Variants in PIK3C2G observed in about 807,000 individuals in gnomAD.
The protein encoded by PIK3C2G is phosphatidylinositol 3-kinase C2 domain-containing subunit gamma.
PIK3C2G carries 168 observed loss-of-function variants against 181.1 expected under a neutral mutation model. The observed-to-expected ratio is 0.93, with a 90% CI of 0.82 to 1.05. The LOEUF is 1.05. Ranked by LOEUF, PIK3C2G falls within the 50% of genes least tolerant of loss-of-function variation. The pLI is 0.00. For synonymous variants in PIK3C2G, 573 were observed against 592.2 expected, an observed-to-expected ratio of 0.97 and a Z score of 0.47; for missense variants, 1,869 against 1,732.8, an observed-to-expected ratio of 1.08 and a Z score of -1.40.
At chr12:18,259,588 G>T (rs1429149646), upstream of PIK3C2G, among the ~76,000 whole-genome samples, 2 of 152,072 alleles carry the variant, frequency 1.3e-5, no homozygotes, top group South Asian at 4.1e-4. Flanking sequence ...AAAATAGAAG[G>T]TTATATATAA....
At chr12:18,331,608 ATTT>A (rs1011048901) in intron 8 of PIK3C2G, among the ~76,000 whole-genome samples, 11 of 152,066 alleles carry the variant, frequency 7.2e-5, no homozygotes, top group African/African-American at 2.6e-4. Context: ...CTCTGAAATA[ATTT>A]TATGTTTTCC....
intron 25 of PIK3C2G, among the ~76,000 whole-genome samples, chr12:18,544,816 G>C (rs1944338519): frequency 6.6e-6 from 1 of 151,798 alleles, no homozygotes; most frequent in Non-Finnish European, 1.5e-5. Flanking sequence ...TCATTTATAT[G>C]CTAATGACAG....
Position 18,304,264 on chromosome 12 carries a change from C to CG in PIK3C2G, c.1035-9698_1035-9697insG, listed in dbSNP as rs552790569. Among the ~76,000 whole-genome samples, 210 of 151,898 alleles carry CG rather than the reference C, an allele frequency of 1.4e-3. 1 individual carries two copies. The highest frequency in any genetic ancestry group is 2.4e-3 in the Non-Finnish European group (166 of 67,900). On this transcript the variant is annotated intron_variant, in intron 5 of 32. Transcript: ENST00000538779. The stretch of plus-strand genomic sequence containing the variant: ...TCATGACAATTTATATTAATTTGTT[C>CG]ATTTTTTTTGAGATGGAGTCTTCAC...
intron 18 of PIK3C2G, among the ~76,000 whole-genome samples, chr12:18,478,777 C>T (rs913162882): frequency 2.6e-5 from 4 of 152,074 alleles, no homozygotes; most frequent in Non-Finnish European, 4.4e-5. Context: ...GAGTTCCAGA[C>T]CAGCCTGGGC....
chr12:18,400,380 A>G (rs1365678348), intron 16 of PIK3C2G, among the ~76,000 whole-genome samples: 5 of 152,222 alleles, frequency 3.3e-5, no homozygotes, highest in Admixed American at 2.0e-4. Flanking sequence ...AGAAGCTTGT[A>G]GGAACAACTG....
chr12:18,519,585 C>A (rs577407952), intron 24 of PIK3C2G, among the ~76,000 whole-genome samples: 66 of 152,190 alleles, frequency 4.3e-4, no homozygotes, highest in African/African-American at 1.4e-3. Context: ...TTACCTCCAG[C>A]CCTTTATTTT....
intron 5 of PIK3C2G, among the ~76,000 whole-genome samples, chr12:18,304,691 T>G (rs573336803): frequency 6.6e-6 from 1 of 152,376 alleles, no homozygotes; most frequent in African/African-American, 2.4e-5. Context: ...AGTAATAGAT[T>G]ACATTCATTA....
At chr12:18,653,063 T>C (rs570099456), downstream of PIK3C2G, among the ~76,000 whole-genome samples, 5 of 152,168 alleles carry the variant, frequency 3.3e-5, no homozygotes, top group East Asian at 7.8e-4. Flanking sequence ...TCCTCGAAAC[T>C]TCTGCAAAAA....
chr12:18,616,320 T>C (rs985521129), intron 31 of PIK3C2G, among the ~76,000 whole-genome samples: 4 of 152,116 alleles, frequency 2.6e-5, no homozygotes, highest in Non-Finnish European at 4.4e-5. Flanking sequence ...TATTATGCCC[T>C]TAACACACAG....
At chr12:18,394,687 T>C (rs1565672879) in intron 15 of PIK3C2G, among the ~76,000 whole-genome samples, 1 of 151,888 alleles carries the variant, frequency 6.6e-6, no homozygotes, top group Non-Finnish European at 1.5e-5. Flanking sequence ...CTTAATAGAT[T>C]GTGAAATGCA....
intron 13 of PIK3C2G, among the ~76,000 whole-genome samples, chr12:18,375,404 A>G (rs1226690536): frequency 3.3e-5 from 5 of 152,238 alleles, no homozygotes; most frequent in Admixed American, 1.3e-4. Flanking sequence ...CTGACAAGAG[A>G]AATTTCTAAG....
intron 22 of PIK3C2G, among the ~76,000 whole-genome samples, chr12:18,501,602 C>A (rs1370180964): frequency 6.6e-6 from 1 of 152,150 alleles, no homozygotes; most frequent in African/African-American, 2.4e-5. Context: ...ACTCTATGTA[C>A]ACAGAATTAT....
chr12:18,572,091 A>G (rs1945975149), intron 29 of PIK3C2G, among the ~76,000 whole-genome samples: 1 of 142,044 alleles, frequency 7.0e-6, no homozygotes, highest in African/African-American at 2.9e-5. Flanking sequence ...TGAATTTCCC[A>G]ATGATACAAG....
intron 1 of PIK3C2G, among the ~76,000 whole-genome samples, chr12:18,248,602 A>C (rs563666135): frequency 1.6e-5 from 2 of 122,586 alleles, no homozygotes; most frequent in African/African-American, 5.6e-5. Flanking sequence ...AACAACAACA[A>C]CAACAATTCT....
At chr12:18,456,321 G>A (rs940494415) in intron 18 of PIK3C2G, among the ~76,000 whole-genome samples, 2 of 151,776 alleles carry the variant, frequency 1.3e-5, no homozygotes, top group Non-Finnish European at 2.9e-5. Flanking sequence ...TGAGAGAAAA[G>A]AGAAAAGCTC....
intron 11 of PIK3C2G, among the ~76,000 whole-genome samples, chr12:18,360,985 C>T (rs1941186309): frequency 2.0e-5 from 3 of 151,524 alleles, no homozygotes; most frequent in Admixed American, 2.0e-4. Context: ...CTTTTTTTCT[C>T]TTTCTGAAAA....
At chr12:18,577,179 G>T (rs1249140008) in intron 29 of PIK3C2G, among the ~76,000 whole-genome samples, 1 of 152,184 alleles carries the variant, frequency 6.6e-6, no homozygotes, top group Non-Finnish European at 1.5e-5. Context: ...TTAGCAGAGG[G>T]CTGTCATGAG....
intron 5 of PIK3C2G, among the ~76,000 whole-genome samples, chr12:18,309,995 G>C (rs1302447142): frequency 6.6e-6 from 1 of 151,832 alleles, no homozygotes; most frequent in Non-Finnish European, 1.5e-5. Context: ...AGTATTTACA[G>C]AGTGATGAAG....
Position 18,533,674 on chromosome 12 carries a change from C to T in PIK3C2G, c.3324-4482C>T, listed in dbSNP as rs181014717. On this transcript the variant is annotated intron_variant, in intron 24 of 32. Coordinates refer to ENST00000538779, the MANE Select transcript of PIK3C2G (RefSeq NM_001288772.2). ...TGATTTTTTAAAATCTTTCACCTCA[C>T]AAGCCTTGCACAAATCTATTATAGA... 3.4e-4 allele frequency among the ~76,000 whole-genome samples: 51 copies of T among 152,174 alleles called. 1 individual carries two copies. In the East Asian group the frequency reaches 9.7e-3, roughly 29 times the overall value.
Sources: allele counts gnomAD v4.1 joint callset (sites outside exome capture counted in the v4.1 genomes callset), GRCh38; gene constraint gnomAD v4.1.1; transcripts MANE v1.5; gene names NCBI Gene and HGNC (gene_info 2026-07-23, HGNC 2026-07-21).